MUC3A: variants seen among roughly 807,000 people sequenced by gnomAD.
The protein encoded by MUC3A is mucin 3A, cell surface associated.
A neutral mutation model predicts 109.0 loss-of-function variants in MUC3A; 109 were observed. That is an observed-to-expected ratio of 1.00 (90% CI 0.86 to 1.17). MUC3A has a LOEUF of 1.17. MUC3A is among the 50% of genes most tolerant of loss of function. The probability of loss-of-function intolerance (pLI) is 0.00; values close to 1 mark genes in which losing one functional copy is unlikely to be tolerated. For missense variants in MUC3A, 3,537 were observed against 2,469.4 expected, an observed-to-expected ratio of 1.43 and a Z score of -9.16; for synonymous variants, 1,398 against 981.4, an observed-to-expected ratio of 1.42 and a Z score of -7.93.
In MUC3A at chr7:100,957,434, C is replaced by T; in HGVS notation, c.5655C>T (p.Ala1885=). The change falls in exon 2 of 12, where the codon GCC becomes GCT. Residue 1885 remains alanine (A), a synonymous_variant. Transcript: ENST00000379458. ...CCTCTCTCCTCACCACAGTAACAGC[C>T]ACAGTTCCAACAACAAACTTGGTAA... is the stretch of plus-strand genomic sequence containing the variant. ...TSSSLLTTVT[A]TVPTTNLVTT... is the part of the protein sequence containing the mutation. The T allele has an allele frequency of 3.5e-6, 4 of 1,142,052 alleles. No individual in the cohort carries two copies. The highest frequency in any genetic ancestry group is 1.5e-5 in the South Asian group (1 of 68,686). 70.7% of individuals were successfully genotyped at this position (1,142,052 alleles called of 1,614,324 possible).
chr7:100,965,390 A>ACCAC, intron 7 of MUC3A, 43 bp downstream of exon 7: 1 of 1,580,718 alleles, frequency 6.3e-7, no homozygotes, highest in East Asian at 2.3e-5. Flanking sequence ...CGCGGCTATG[A>ACCAC]TCCGGGCTAC....
At chr7:100,963,127 T>A in intron 3 of MUC3A, 24 bp from the exon 4 acceptor site, 2 of 1,595,434 alleles carry the variant, frequency 1.3e-6, no homozygotes, top group Non-Finnish European at 1.7e-6. Context: ...GAGAAGTGAC[T>A]GGGGACATGC....
At chr7:100,950,318 G>A (rs1351236492) in intron 1 of MUC3A, among the ~76,000 whole-genome samples, 2 of 152,076 alleles carry the variant, frequency 1.3e-5, no homozygotes, top group Admixed American at 6.6e-5. Context: ...GAGACTACCC[G>A]TCGTGGGGTC....
chr7:100,967,384 T>G lies in MUC3A; in HGVS notation c.*222T>G. 2.9e-6 allele frequency: 2 copies of G among 694,862 alleles called. No individual in the cohort carries two copies. The highest frequency in any genetic ancestry group is 4.7e-6 in the Non-Finnish European group (2 of 423,014). 43.0% of individuals were successfully genotyped at this position (694,862 alleles called of 1,614,324 possible). On this transcript the variant is annotated 3_prime_UTR_variant, in exon 12 of 12. Coordinates refer to ENST00000379458, the MANE Select transcript of MUC3A (RefSeq NM_005960.2). ...TCCAGGCTCTTCCACTGTGGAATCTTGGGCAAGTCAGTAACGAGCCTCAGT... is the reference window on the plus strand; with the variant it reads ...TCCAGGCTCTTCCACTGTGGAATCTGGGGCAAGTCAGTAACGAGCCTCAGT...
In MUC3A at chr7:100,959,220, A is replaced by T. The variant is rs1230853119; in HGVS notation, c.7441A>T (p.Ser2481Cys). Residue 2481 changes from serine to cysteine, a missense_variant, in exon 2 of 12, where the codon AGT becomes TGT. Transcript: ENST00000379458. ...CACACCTGTAACCCCATCTTCTCTG[A>T]GTACAGACATCCCGACCACAAGCCT... ...TPTPVTPSSL[S>C]TDIPTTSLRT... 3.1e-6 allele frequency: 5 copies of T among 1,598,370 alleles called. No homozygotes were observed.
chr7:100,964,638 C>T, intron 5 of MUC3A, 57 bp from the exon 6 acceptor site: 2 of 1,552,786 alleles, frequency 1.3e-6, no homozygotes, highest in Non-Finnish European at 1.7e-6. Flanking sequence ...GGAGGTGCCC[C>T]TCCAAGGACC....
Position 100,957,302 on chromosome 7 carries a change from C to A in MUC3A, c.5523C>A (p.Tyr1841Ter). The change falls in exon 2 of 12, where the codon TAC becomes TAA. Residue 1841 changes from tyrosine (Y) to a stop codon, truncating the protein, a stop_gained. Transcript: ENST00000379458. LOFTEE classifies it high-confidence loss of function. ...CTACACCTACATCTGAGACCACCTA[C>A]CCTACTTCTCTTACTAGTGCTCTCA... ...TSSTPTSETT[Y>*]PTSLTSALTD... The A allele has an allele frequency of 1.8e-6, 1 of 566,140 alleles. No homozygotes were observed. The highest frequency in any genetic ancestry group is 3.5e-5 in the Admixed American group (1 of 28,888). 35.1% of individuals were successfully genotyped at this position (566,140 alleles called of 1,614,324 possible).
At position 100,952,998 on chromosome 7, in the gene MUC3A, A is replaced by T; in HGVS notation, c.1219A>T (p.Ile407Phe). 1 of 1,593,096 alleles carries T rather than the reference A, an allele frequency of 6.3e-7. No individual in the cohort carries two copies. Among genetic ancestry groups the T allele is most frequent in the Non-Finnish European group, 8.5e-7 (1 of 1,174,792 alleles). Residue 407 changes from isoleucine to phenylalanine, a missense_variant, in exon 2 of 12, where the codon ATC (isoleucine) becomes TTC (phenylalanine). Transcript: ENST00000379458. ...TACTCCCAGCTTCTCTTCATCAACC[A>T]TCTACTCCACAGTCAGCACATCCAC... ...HSTPSFSSSTIYSTVSTSTTA... is the reference protein window; with the variant it reads ...HSTPSFSSSTFYSTVSTSTTA...
rs553559317 is a variant in MUC3A at position 100,958,824 on chromosome 7, G to A, written c.7045G>A (p.Glu2349Lys). The A allele has an allele frequency of 8.6e-6, 12 of 1,393,644 alleles. No individual in the cohort carries two copies. The highest frequency in any genetic ancestry group is 5.2e-5 in the African/African-American group (2 of 38,322). 86.3% of individuals were successfully genotyped at this position (1,393,644 alleles called of 1,614,324 possible). Residue 2349 changes from glutamate (E) to lysine (K), a missense_variant, in exon 2 of 12, where the codon GAG becomes AAG. Coordinates refer to ENST00000379458, the MANE Select transcript of MUC3A (RefSeq NM_005960.2). ...CTTCACTTCTTCGATCACCACCACC[G>A]AGACCAACTCTCACAGTACTACCAG... ...RSFTSSITTT[E>K]TNSHSTTSFT...
Position 100,956,800 on chromosome 7 carries a change from C to G in MUC3A, c.5021C>G (p.Thr1674Ser). Reference protein sequence around the residue: ...SSSMSASSVGTTHTQSISSPP... With the variant: ...SSSMSASSVGSTHTQSISSPP... Reference sequence around the variant, plus strand: ...TCCATGTCTGCCAGCAGTGTAGGGACCACTCACACCCAGAGTATCTCCTCA... The same window carrying G: ...TCCATGTCTGCCAGCAGTGTAGGGAGCACTCACACCCAGAGTATCTCCTCA... The change falls in exon 2 of 12, where the codon ACC becomes AGC. Residue 1674 changes from threonine (T) to serine (S), a missense_variant. Coordinates refer to ENST00000379458, the MANE Select transcript of MUC3A (RefSeq NM_005960.2). The G allele has an allele frequency of 2.4e-6, 1 of 412,564 alleles. No homozygotes were observed. Among genetic ancestry groups the G allele is most frequent in the Non-Finnish European group, 4.2e-6 (1 of 235,996 alleles). The allele number at this position is 412,564 out of a possible 1,614,324, so 25.6% of individuals were successfully genotyped here.
chr7:100,959,427 A>T lies in MUC3A; in HGVS notation c.7648A>T (p.Thr2550Ser). The change falls in exon 2 of 12, where the codon ACT (threonine) becomes TCT (serine). Residue 2550 changes from threonine (T) to serine (S), a missense_variant. Physicochemically the swap from Thr to Ser is moderately conservative, Grantham distance 58 (BLOSUM62 1). Coordinates refer to ENST00000379458, the MANE Select transcript of MUC3A (RefSeq NM_005960.2). ...GGGCACCACCTCTCCCACCATGTCC[A>T]CTGTGAGAATGACCCTCAGAATTAC... ...LVGTTSPTMS[T>S]VRMTLRITEN... 6.5e-7 allele frequency: 1 copy of T among 1,540,110 alleles called. No homozygotes were observed.
In MUC3A at chr7:100,960,549, G is replaced by A. The variant is rs988364808; in HGVS notation, c.8770G>A (p.Val2924Met). Residue 2924 changes from valine to methionine, a missense_variant, in exon 2 of 12, where the codon GTG becomes ATG. Physicochemically the swap from Val to Met is conservative, Grantham distance 21. Transcript: ENST00000379458. Reference protein sequence around the residue: ...PPTTRTSETPVATTQTPTTLT... With the variant: ...PPTTRTSETPMATTQTPTTLT... ...CACCACTAGGACTTCAGAGACACCA[G>A]TGGCCACTACCCAGACTCCTACCAC... 1.3e-6 allele frequency: 2 copies of A among 1,598,612 alleles called. No individual in the cohort carries two copies. The highest frequency in any genetic ancestry group is 1.7e-6 in the Non-Finnish European group (2 of 1,179,826).
Position 100,966,422 on chromosome 7 carries a change from G to T in MUC3A, c.9648G>T (p.Pro3216=). ...YSTDTHWFSG[P]RCEVAVHWRA... ...CCGACACGCACTGGTTCTCTGGCCC[G>T]CGCTGCGAGGTGGCCGTCCACTGGA... Residue 3216 remains proline (P), a synonymous_variant, in exon 9 of 12, where the codon CCG becomes CCT. Transcript: ENST00000379458. 1 of 1,349,274 alleles carries T rather than the reference G, an allele frequency of 7.4e-7. No individual in the cohort carries two copies. Among genetic ancestry groups the T allele is most frequent in the African/African-American group, 1.5e-5 (1 of 66,946 alleles). 83.6% of individuals were successfully genotyped at this position (1,349,274 alleles called of 1,614,324 possible).
rs1364482415 is a variant in MUC3A at position 100,959,493 on chromosome 7, G to C, written c.7714G>C (p.Val2572Leu). 6.3e-6 allele frequency: 10 copies of C among 1,585,972 alleles called. No individual in the cohort carries two copies. The highest frequency in any genetic ancestry group is 8.5e-6 in the Non-Finnish European group (10 of 1,174,852). Residue 2572 changes from valine to leucine, a missense_variant, in exon 2 of 12, where the codon GTT becomes CTT. Val to Leu is a conservative substitution (Grantham distance 32). Coordinates refer to ENST00000379458, the MANE Select transcript of MUC3A (RefSeq NM_005960.2). Reference protein sequence around the residue: ...PISSFSTSIVVIPETPTQTPP... With the variant: ...PISSFSTSIVLIPETPTQTPP... ...CAGTTCCTTTAGCACAAGTATTGTT[G>C]TTATACCTGAAACCCCAACACAGAC...
intron 5 of MUC3A, chr7:100,964,009 G>A: frequency 3.2e-6 from 2 of 623,640 alleles, no homozygotes; most frequent in Non-Finnish European, 5.6e-6. Flanking sequence ...TGCCTGGATT[G>A]ATGACTTTGT....
Position 100,953,687 on chromosome 7 carries a change from A to C in MUC3A, c.1908A>C (p.Ser636=), listed in dbSNP as rs1264341232. ...TTAMTSPPIT[S]SVTSTNTVTS... is the part of the protein sequence containing the mutation. Reference sequence around the variant, plus strand: ...CCATGACTTCTCCTCCCATCACTTCATCAGTCACTTCCACAAATACAGTGA... The same window carrying C: ...CCATGACTTCTCCTCCCATCACTTCCTCAGTCACTTCCACAAATACAGTGA... The change falls in exon 2 of 12, where the codon TCA becomes TCC. Residue 636 remains serine (S), a synonymous_variant. Transcript: ENST00000379458. The C allele has an allele frequency of 3.2e-5, 13 of 409,562 alleles. No individual in the cohort carries two copies. Among genetic ancestry groups the C allele is most frequent in the Non-Finnish European group, 5.2e-5 (12 of 231,148 alleles). The allele number at this position is 409,562 out of a possible 1,614,324, so 25.4% of individuals were successfully genotyped here. A position where few individuals can be genotyped will look rare whatever the true frequency, so the allele number is the denominator to read the frequency against.
rs1321570867 is a variant in MUC3A at position 100,959,487 on chromosome 7, ATTG to A, written c.7714_7716del (p.Val2572del). 3 of 1,583,830 alleles carry A rather than the reference ATTG, an allele frequency of 1.9e-6. No homozygotes were observed. The highest frequency in any genetic ancestry group is 2.7e-5 in the African/African-American group (2 of 74,594). On this transcript the variant is annotated inframe_deletion, in exon 2 of 12. Coordinates refer to ENST00000379458, the MANE Select transcript of MUC3A (RefSeq NM_005960.2). ...CCCAATCAGTTCCTTTAGCACAAGT[ATTG>A]TTGTTATACCTGAAACCCCAACACA...
intron 8 of MUC3A, 183 bp downstream of exon 8, chr7:100,966,049 T>TCGCCCTAAAGTGTAGCCCCGCCGCC: frequency 1.2e-6 from 1 of 855,048 alleles, no homozygotes; most frequent in Non-Finnish European, 1.7e-6. Context: ...GCTCTGCTCC[T>TCGCCCTAAAGTGTAGCCCCGCCGCC]TTGATGGGGT....
chr7:100,960,479 G>C lies in MUC3A; in HGVS notation c.8700G>C (p.Pro2900=), dbSNP rs766447020. The change falls in exon 2 of 12, where the codon CCG becomes CCC. Residue 2900 remains proline, a synonymous_variant. Coordinates refer to ENST00000379458, the MANE Select transcript of MUC3A (RefSeq NM_005960.2). The part of the protein sequence containing the change: ...PLTMKPSSSL[P]TILRTSSKST... ...CCATGAAACCAAGCAGTAGCCTCCC[G>C]ACCATCCTGAGGACTTCAAGCAAGT... The C allele has an allele frequency of 3.8e-6, 6 of 1,598,528 alleles. No homozygotes were observed. In the African/African-American group the frequency reaches 4.0e-5, roughly 11 times the overall value.
Sources: allele counts gnomAD v4.1 joint callset (sites outside exome capture counted in the v4.1 genomes callset), GRCh38; gene constraint gnomAD v4.1.1; transcripts MANE v1.5; gene names NCBI Gene and HGNC (gene_info 2026-07-23, HGNC 2026-07-21).